Variants in NSG1 observed in about 807,000 individuals in gnomAD.
The protein encoded by NSG1 is neuronal vesicle trafficking associated 1.
Under a neutral mutation model 19.3 loss-of-function variants are expected in NSG1, and 9 were observed. That is an observed-to-expected ratio of 0.47 (90% CI 0.28 to 0.81). NSG1 has a LOEUF of 0.81. Ranked by LOEUF, NSG1 falls within the 40% of genes least tolerant of loss-of-function variation. NSG1 has a pLI of 0.11. For missense variants in NSG1, 236 were observed against 242.4 expected (o/e 0.97, Z 0.18); for synonymous variants, 104 against 107.0 (o/e 0.97, Z 0.17).
At chr4:4,407,153 G>C (rs1195307794) in intron 3 of NSG1, among the ~76,000 whole-genome samples, 2 of 152,152 alleles carry the variant, frequency 1.3e-5, no homozygotes, top group African/African-American at 4.8e-5. Context: ...CAGTGGACTG[G>C]AGTTTCTCTG....
At chr4:4,411,659 G>T (rs887343609) in intron 4 of NSG1, among the ~76,000 whole-genome samples, 3 of 152,110 alleles carry the variant, frequency 2.0e-5, no homozygotes, top group Non-Finnish European at 4.4e-5. Flanking sequence ...CAGGAGAATC[G>T]CTTGAACCCA....
rs148820733 is a variant in NSG1, at chr4:4,403,075, G to A, written c.247-6498G>A. ...TTCAGTGTGTGTTCATTAGGAGATG[G>A]AGTATCTGCTGGTTGTACTCACTCA... On this transcript the variant is annotated intron_variant, in intron 3 of 4. Coordinates refer to ENST00000621129, the MANE Select transcript of NSG1 (RefSeq NM_014392.5). Among the ~76,000 whole-genome samples, 309 of 152,338 alleles carry A rather than the reference G, an allele frequency of 2.0e-3. 4 individuals are homozygous for A. The highest frequency in any genetic ancestry group is 9.8e-3 in the Admixed American group (150 of 15,306).
intron 3 of NSG1, among the ~76,000 whole-genome samples, chr4:4,407,342 A>T (rs540006767): frequency 6.6e-6 from 1 of 152,236 alleles, no homozygotes; most frequent in Admixed American, 6.5e-5. Context: ...GTGAAGGGAC[A>T]CAGAGGGGAC....
At chr4:4,396,240 C>A (rs934544087) in intron 3 of NSG1, among the ~76,000 whole-genome samples, 2 of 152,110 alleles carry the variant, frequency 1.3e-5, no homozygotes, top group African/African-American at 2.4e-5. Context: ...GGGGCCGCTG[C>A]TTGCAGTTCT....
chr4:4,400,837 G>A (rs766105012), intron 3 of NSG1, among the ~76,000 whole-genome samples: 2 of 152,182 alleles, frequency 1.3e-5, no homozygotes, highest in Admixed American at 1.3e-4. Context: ...TGTTCAGTGT[G>A]TTAATAAATG....
At chr4:4,407,746 G>A (rs1462423774) in intron 3 of NSG1, among the ~76,000 whole-genome samples, 2 of 152,118 alleles carry the variant, frequency 1.3e-5, no homozygotes, top group Non-Finnish European at 2.9e-5. Context: ...TTGCAGAGAC[G>A]GGGACGTGGT....
intron 3 of NSG1, among the ~76,000 whole-genome samples, chr4:4,409,050 G>A (rs1332013953): frequency 6.6e-6 from 1 of 152,260 alleles, no homozygotes; most frequent in Non-Finnish European, 1.5e-5. Flanking sequence ...AAACCGCCGA[G>A]GGCGAAGGCC....
chr4:4,397,057 G>GTGTGTGTGTA (rs745657061), intron 3 of NSG1, among the ~76,000 whole-genome samples: 3 of 151,958 alleles, frequency 2.0e-5, no homozygotes, highest in South Asian at 2.1e-4. Context: ...GTGTGTGTGT[G>GTGTGTGTGTA]TGTATGTATT....
At chr4:4,395,979 C>T (rs1351738517) in intron 3 of NSG1, among the ~76,000 whole-genome samples, 1 of 152,142 alleles carries the variant, frequency 6.6e-6, no homozygotes, top group Non-Finnish European at 1.5e-5. Context: ...AGGCTGGTTG[C>T]TAGGTAACTG....
At chr4:4,397,464 C>G (rs969458578) in intron 3 of NSG1, among the ~76,000 whole-genome samples, 15 of 152,244 alleles carry the variant, frequency 9.9e-5, no homozygotes, top group Non-Finnish European at 1.5e-4. Flanking sequence ...TCCTCCATGC[C>G]AGTGGGGTGT....
intron 3 of NSG1, among the ~76,000 whole-genome samples, chr4:4,394,657 A>G (rs912061260): frequency 6.6e-6 from 1 of 152,210 alleles, no homozygotes; most frequent in Non-Finnish European, 1.5e-5. Flanking sequence ...GAACTTACTC[A>G]TCAGCCGCTC....
chr4:4,391,948 T>C (rs1242734917), intron 3 of NSG1, among the ~76,000 whole-genome samples: 1 of 152,242 alleles, frequency 6.6e-6, no homozygotes, highest in African/African-American at 2.4e-5. Flanking sequence ...AACAAAAAGA[T>C]AACGCACAGC....
intron 3 of NSG1, among the ~76,000 whole-genome samples, chr4:4,407,812 G>A (rs1197281285): frequency 6.6e-6 from 1 of 152,152 alleles, no homozygotes; most frequent in African/African-American, 2.4e-5. Flanking sequence ...AGGTTAAGGG[G>A]CTTCCAAGGT....
At chr4:4,391,616 A>C in intron 3 of NSG1, 25 bp downstream of exon 3, 1 of 1,502,650 alleles carries the variant, frequency 6.7e-7, no homozygotes, top group Non-Finnish European at 9.1e-7. Context: ...GCTGGGTGAG[A>C]TGCTGCTTTT....
At chr4:4,400,607 T>C (rs1484216667) in intron 3 of NSG1, among the ~76,000 whole-genome samples, 1 of 152,258 alleles carries the variant, frequency 6.6e-6, no homozygotes, top group Non-Finnish European at 1.5e-5. Context: ...CTTTTATTTA[T>C]ATCCTCTTTA....
intron 3 of NSG1, among the ~76,000 whole-genome samples, chr4:4,394,617 A>C (rs1213363850): frequency 2.4e-4 from 36 of 152,182 alleles, no homozygotes; most frequent in Admixed American, 2.4e-3. Context: ...TCAGCCAAGA[A>C]TGAATGCTTA....
At chr4:4,410,293 A>G (rs1287947149) in intron 4 of NSG1, among the ~76,000 whole-genome samples, 1 of 152,242 alleles carries the variant, frequency 6.6e-6, no homozygotes, top group Non-Finnish European at 1.5e-5. Flanking sequence ...CCCACAAGTG[A>G]CATGCAAGGC....
At chr4:4,407,661 AGAT>A (rs1723940580) in intron 3 of NSG1, among the ~76,000 whole-genome samples, 1 of 151,976 alleles carries the variant, frequency 6.6e-6, no homozygotes. Flanking sequence ...TGAGGCCTGG[AGAT>A]GAAGACCTCC....
At chr4:4,412,319 G>A (rs537535825) in intron 4 of NSG1, among the ~76,000 whole-genome samples, 5 of 151,792 alleles carry the variant, frequency 3.3e-5, no homozygotes, top group South Asian at 4.2e-4. Context: ...TCCTGTGTCC[G>A]GCTGCAGATG....
Sources: gnomAD v4.1 joint callset for allele counts (sites outside exome capture counted in the v4.1 genomes callset) on GRCh38, gnomAD v4.1.1 for gene constraint, MANE v1.5 for transcripts, NCBI Gene and HGNC (gene_info 2026-07-23, HGNC 2026-07-21) for gene names.